The following TNFRSF21 variants were observed in gnomAD, a reference collection of about 807,000 sequenced individuals.
TNFRSF21 encodes the protein TNF receptor superfamily member 21.
A neutral mutation model predicts 45.6 loss-of-function variants in TNFRSF21; 19 were observed. The observed-to-expected ratio is 0.42, with a 90% CI of 0.29 to 0.61. TNFRSF21 has a LOEUF of 0.61. TNFRSF21 is among the 20% of genes least tolerant of loss of function. TNFRSF21 has a pLI of 0.23. For missense variants in TNFRSF21, 737 were observed against 851.5 expected (o/e 0.87, Z 1.67); for synonymous variants, 314 against 335.5 (o/e 0.94, Z 0.70).
chr6:47,251,141 C>T (rs1030839013), intron 4 of TNFRSF21, among the ~76,000 whole-genome samples: 1 of 152,074 alleles, frequency 6.6e-6, no homozygotes, highest in African/African-American at 2.4e-5. Flanking sequence ...GGATACTCAA[C>T]CTGTAATAAG....
chr6:47,242,079 C>A (rs1376983006), intron 4 of TNFRSF21, among the ~76,000 whole-genome samples: 2 of 151,934 alleles, frequency 1.3e-5, no homozygotes, highest in Admixed American at 6.6e-5. Flanking sequence ...CTTGGGAACC[C>A]CCAAGCCAGA....
chr6:47,253,131 C>CGTGT (rs112989391), intron 4 of TNFRSF21, 125 bp downstream of exon 4: 333 of 1,017,830 alleles, frequency 3.3e-4, no homozygotes, highest in Admixed American at 2.3e-3. Context: ...CAGGCGTATG[C>CGTGT]GTGTGTGTGT....
intron 1 of TNFRSF21, among the ~76,000 whole-genome samples, chr6:47,293,858 C>T (rs1239181416): frequency 1.3e-5 from 2 of 152,208 alleles, no homozygotes; most frequent in Non-Finnish European, 1.5e-5. Flanking sequence ...ACAAGATCCC[C>T]TCATTCCCAT....
chr6:47,256,530 G>A (rs1561941650), intron 3 of TNFRSF21, among the ~76,000 whole-genome samples: 2 of 152,116 alleles, frequency 1.3e-5, no homozygotes, highest in Admixed American at 1.3e-4. Context: ...CTCAAAAAAA[G>A]TAGAATGCCA....
chr6:47,301,576 A>T (rs543764910), intron 1 of TNFRSF21, among the ~76,000 whole-genome samples: 3 of 152,298 alleles, frequency 2.0e-5, no homozygotes, highest in Admixed American at 6.5e-5. Flanking sequence ...CATGAGGTGG[A>T]TCTGTCATGA....
At chr6:47,298,489 A>T (rs1762820967) in intron 1 of TNFRSF21, among the ~76,000 whole-genome samples, 1 of 152,084 alleles carries the variant, frequency 6.6e-6, no homozygotes. Flanking sequence ...AGAGTGAGTA[A>T]GCTCCAGCAC....
chr6:47,298,516 T>C (rs55718804), intron 1 of TNFRSF21, among the ~76,000 whole-genome samples: 1 of 152,262 alleles, frequency 6.6e-6, no homozygotes, highest in Admixed American at 6.5e-5. Context: ...GTTTCTGTAT[T>C]GCTCACAAGC....
intron 4 of TNFRSF21, among the ~76,000 whole-genome samples, chr6:47,238,683 C>T (rs1764700091): frequency 6.6e-6 from 1 of 152,232 alleles, no homozygotes; most frequent in Admixed American, 6.5e-5. Context: ...GGCTGAGTCA[C>T]ACCTAAAGCT....
intron 3 of TNFRSF21, among the ~76,000 whole-genome samples, chr6:47,264,012 A>G (rs1191085488): frequency 6.6e-6 from 1 of 152,196 alleles, no homozygotes; most frequent in Admixed American, 6.5e-5. Context: ...CCAGTTACTC[A>G]TGAAGAACAT....
At chr6:47,260,115 A>G (rs964111852) in intron 3 of TNFRSF21, among the ~76,000 whole-genome samples, 2 of 152,152 alleles carry the variant, frequency 1.3e-5, no homozygotes, top group Non-Finnish European at 2.9e-5. Context: ...CATTGGGCCA[A>G]TGAACCTAAA....
intron 3 of TNFRSF21, among the ~76,000 whole-genome samples, chr6:47,275,642 T>C (rs774532683): frequency 1.8e-4 from 27 of 148,678 alleles, no homozygotes; most frequent in South Asian, 6.4e-4. Flanking sequence ...ACCCTAGTGC[T>C]TAAAGTGTAA....
In TNFRSF21 at chr6:47,284,024, C is replaced by G; in HGVS notation, c.1157G>C (p.Ser386Thr). 6.2e-7 allele frequency: 1 copy of G among 1,614,222 alleles called. No homozygotes were observed. The highest frequency in any genetic ancestry group is 1.1e-5 in the South Asian group (1 of 91,080). The change falls in exon 3 of 6, where the codon AGT becomes ACT. Residue 386 changes from serine (S) to threonine (T), a missense_variant. Coordinates refer to ENST00000296861, the MANE Select transcript of TNFRSF21 (RefSeq NM_014452.5). ...CAGCCCTGCCTTTTCCACAATGGCACTGGGATCCTGCCGGGGCCCCTTTTT... is the reference window on the plus strand; with the variant it reads ...CAGCCCTGCCTTTTCCACAATGGCAGTGGGATCCTGCCGGGGCCCCTTTTT... ...TLKKGPRQDP[S>T]AIVEKAGLKK...
In TNFRSF21 at chr6:47,276,425, G is replaced by A. The variant is rs985432017; in HGVS notation, c.1243+7513C>T. 1.1e-4 allele frequency among the ~76,000 whole-genome samples: 17 copies of A among 152,270 alleles called. No individual in the cohort carries two copies. The South Asian group carries it at 3.5e-3, about 32-fold the overall frequency. On this transcript the variant is annotated intron_variant, in intron 3 of 5. Coordinates refer to ENST00000296861, the MANE Select transcript of TNFRSF21 (RefSeq NM_014452.5). ...TACTGCTAGAGGAAAAACTGAGCTC[G>A]AACTGTTGAAATTCGAGAAAGCCTC...
chr6:47,296,232 C>G (rs185978884), intron 1 of TNFRSF21, among the ~76,000 whole-genome samples: 168 of 152,194 alleles, frequency 1.1e-3, no homozygotes, highest in African/African-American at 3.8e-3. Context: ...GCATGTGAAC[C>G]AAGGCAAAAC....
chr6:47,260,801 AAG>A (rs1469338448), intron 3 of TNFRSF21, among the ~76,000 whole-genome samples: 1 of 152,204 alleles, frequency 6.6e-6, no homozygotes, highest in Admixed American at 6.5e-5. Context: ...GGGTGCATCT[AAG>A]AGACAGGTTT....
intron 4 of TNFRSF21, among the ~76,000 whole-genome samples, chr6:47,252,619 C>T (rs960312144): frequency 1.3e-5 from 2 of 152,174 alleles, no homozygotes; most frequent in Admixed American, 6.5e-5. Context: ...GTAACTTACC[C>T]TTCATCACCT....
Position 47,284,991 on chromosome 6 carries a change from C to T in TNFRSF21, c.749-559G>A, listed in dbSNP as rs372993177. Among the ~76,000 whole-genome samples, 19 of 152,326 alleles carry T rather than the reference C, an allele frequency of 1.2e-4. 1 individual carries two copies. The South Asian group carries it at 3.1e-3, about 25-fold the overall frequency. On this transcript the variant is annotated intron_variant, in intron 2 of 5. Coordinates refer to ENST00000296861, the MANE Select transcript of TNFRSF21 (RefSeq NM_014452.5). ...AGATTTGGGCTGGCAGCTTAGCAGACTTCTCTCAGAGAAGCCTCCATAAGT... is the reference window on the plus strand; with the variant it reads ...AGATTTGGGCTGGCAGCTTAGCAGATTTCTCTCAGAGAAGCCTCCATAAGT...
intron 4 of TNFRSF21, among the ~76,000 whole-genome samples, chr6:47,248,469 T>C (rs1340631493): frequency 1.3e-5 from 2 of 150,896 alleles, no homozygotes; most frequent in East Asian, 3.9e-4. Flanking sequence ...ATACAAAGGC[T>C]CTAAAATAAA....
intron 3 of TNFRSF21, among the ~76,000 whole-genome samples, chr6:47,263,788 T>C (rs1031105218): frequency 6.6e-6 from 1 of 152,260 alleles, no homozygotes; most frequent in Non-Finnish European, 1.5e-5. Flanking sequence ...TTAATCAATG[T>C]CTTTTCATAG....
Sources: allele counts gnomAD v4.1 joint callset (sites outside exome capture counted in the v4.1 genomes callset), GRCh38; gene constraint gnomAD v4.1.1; transcripts MANE v1.5; gene names NCBI Gene and HGNC (gene_info 2026-07-23, HGNC 2026-07-21).